The following MBP variants were observed in gnomAD, a reference collection of about 807,000 sequenced individuals.
The protein encoded by MBP is Golli-MBP.
Under a neutral mutation model 35.8 loss-of-function variants are expected in MBP, and 16 were observed. That is an observed-to-expected ratio of 0.45 (90% CI 0.30 to 0.68). MBP has a LOEUF of 0.68. Ranked by LOEUF, MBP falls within the 30% of genes least tolerant of loss-of-function variation. The probability of loss-of-function intolerance (pLI) is 0.08; values close to 1 mark genes in which losing one functional copy is unlikely to be tolerated. For synonymous variants in MBP, 143 were observed against 159.6 expected, an observed-to-expected ratio of 0.90 and a Z score of 0.78; for missense variants, 380 against 404.7, an observed-to-expected ratio of 0.94 and a Z score of 0.52.
rs1353417714 is a variant in MBP at position 77,016,946 on chromosome 18, G to C, written c.462C>G (p.Thr154=). The change falls in exon 4 of 9, where the codon ACC becomes ACG. Residue 154 remains threonine (T), a synonymous_variant. Transcript: ENST00000355994. ...HGSKYLATAS[T]MDHARHGFLP... ...GGAAGCCATGCCTGGCATGGTCCAT[G>C]GTACTTGCTGTGGCCAGGTACTTGG... 1 of 1,614,176 alleles carries C rather than the reference G, an allele frequency of 6.2e-7. No individual in the cohort carries two copies. The highest frequency in any genetic ancestry group is 1.1e-5 in the South Asian group (1 of 91,084).
intron 3 of MBP, among the ~76,000 whole-genome samples, chr18:77,062,973 A>G (rs1974043051): frequency 6.6e-6 from 1 of 152,202 alleles, no homozygotes; most frequent in African/African-American, 2.4e-5. Flanking sequence ...AACGGCTGCC[A>G]AGAACCTAGA....
Position 76,988,700 on chromosome 18 carries a change from GA to G in MBP, c.718-174del, listed in dbSNP as rs964371927. 8 of 1,355,116 alleles carry G rather than the reference GA, an allele frequency of 5.9e-6. No homozygotes were observed. Among genetic ancestry groups the G allele is most frequent in the African/African-American group, 2.9e-5 (2 of 68,538 alleles). The allele number at this position is 1,355,116 out of a possible 1,614,324, so 83.9% of individuals were successfully genotyped here. A position where few individuals can be genotyped will look rare whatever the true frequency, so the allele number is the denominator to read the frequency against. ...GGCCACAGCGGCTGTGCAGGTGCGGGAGGGACAGGAGGGGTGCATGGATCTG... is the reference window on the plus strand; with the variant it reads ...GGCCACAGCGGCTGTGCAGGTGCGGGGGGACAGGAGGGGTGCATGGATCTG... On this transcript the variant is annotated intron_variant, in intron 6 of 8. Transcript: ENST00000355994. This position sits in a 1 kb window ranked among gnomAD's most constrained non-coding sequence, Gnocchi z 5.2.
chr18:77,037,723 G>T (rs2144600385), intron 3 of MBP, among the ~76,000 whole-genome samples: 1 of 152,288 alleles, frequency 6.6e-6, no homozygotes. Context: ...AGCGTGCTCA[G>T]CCTCTCTGAT....
At chr18:77,073,745 G>T (rs893870450) in intron 2 of MBP, among the ~76,000 whole-genome samples, 5 of 152,154 alleles carry the variant, frequency 3.3e-5, no homozygotes, top group Non-Finnish European at 7.3e-5. Context: ...GCAGACCTGT[G>T]GAAGGTTATC....
intron 2 of MBP, chr18:77,067,883 C>T: frequency 2.0e-6 from 1 of 501,348 alleles, no homozygotes; most frequent in South Asian, 1.5e-5. Context: ...CTGATTCAGA[C>T]CTAGTGTGAC....
chr18:77,036,384 C>T lies in MBP; in HGVS notation c.140-19116G>A, dbSNP rs1373301401. ...GTCACATTTTGGAGACAGAACTGAGCAAGTGCTGCTCACGTTTCAGAGGAC... is the reference window on the plus strand; with the variant it reads ...GTCACATTTTGGAGACAGAACTGAGTAAGTGCTGCTCACGTTTCAGAGGAC... On this transcript the variant is annotated intron_variant, in intron 3 of 8. Coordinates refer to ENST00000355994, the MANE Select transcript of MBP (RefSeq NM_001025101.2). Among the ~76,000 whole-genome samples, 2 of 142,196 alleles carry T rather than the reference C, an allele frequency of 1.4e-5. 1 individual carries two copies. The highest frequency in any genetic ancestry group is 5.7e-5 in the African/African-American group (2 of 34,924). 93.3% of individuals were successfully genotyped at this position (142,196 alleles called of 152,430 possible).
chr18:77,063,530 C>G (rs150368958), intron 3 of MBP, among the ~76,000 whole-genome samples: 1 of 152,134 alleles, frequency 6.6e-6, no homozygotes, highest in African/African-American at 2.4e-5. Context: ...GGCACACTCA[C>G]GGGCAGAAAG....
chr18:77,017,827 A>C (rs2123472233), intron 3 of MBP: 1 of 152,374 alleles, frequency 6.6e-6, no homozygotes, highest in East Asian at 1.9e-4. Flanking sequence ...AGAACTGCTT[A>C]TTCAGGACAT....
chr18:77,001,952 TCTAA>T (rs1207031023), intron 4 of MBP, among the ~76,000 whole-genome samples: 39 of 152,370 alleles, frequency 2.6e-4, no homozygotes, highest in African/African-American at 9.1e-4. Context: ...TGGAACATCT[TCTAA>T]CTATCATTAG....
At chr18:77,087,181 C>G (rs75285146) in intron 2 of MBP, among the ~76,000 whole-genome samples, 14,189 of 152,332 alleles carry the variant, frequency 0.093, 725 homozygotes, top group East Asian at 0.14. Context: ...CCTGACCCAT[C>G]CAGGAGGCGA....
chr18:77,031,780 C>T (rs1289831479), intron 3 of MBP, among the ~76,000 whole-genome samples: 2 of 152,246 alleles, frequency 1.3e-5, no homozygotes, highest in Non-Finnish European at 2.9e-5. Context: ...TGGTCCGTGC[C>T]TCTCCATTTG....
At chr18:77,088,632 GT>G (rs541431425) in intron 2 of MBP, among the ~76,000 whole-genome samples, 249 of 147,232 alleles carry the variant, frequency 1.7e-3, no homozygotes, top group Non-Finnish European at 2.4e-3. Context: ...TTATTAAACA[GT>G]TTTTTTGTGC....
chr18:77,011,836 C>T (rs1971373073), intron 4 of MBP, among the ~76,000 whole-genome samples: 2 of 152,232 alleles, frequency 1.3e-5, no homozygotes, highest in African/African-American at 4.8e-5. Flanking sequence ...AACATTGAAT[C>T]AGGGTTTGAT....
At chr18:77,067,278 A>C (rs1032963978) in intron 2 of MBP, among the ~76,000 whole-genome samples, 2 of 152,148 alleles carry the variant, frequency 1.3e-5, no homozygotes, top group African/African-American at 4.8e-5. Flanking sequence ...TCATCTGGGC[A>C]CCTTCAGACA....
At chr18:77,127,133 C>T (rs1977076389) in intron 1 of MBP, among the ~76,000 whole-genome samples, 1 of 152,180 alleles carries the variant, frequency 6.6e-6, no homozygotes, top group Non-Finnish European at 1.5e-5. Flanking sequence ...TTAAAGTTGA[C>T]TATGCAACTA....
rs552453004 is a variant in MBP, at chr18:77,004,335, T to C, written c.576+12497A>G. The C allele has an allele frequency of 3.9e-5, 6 of 152,302 alleles. No individual in the cohort carries two copies. In the East Asian group the frequency reaches 1.2e-3, roughly 29 times the overall value. 9.4% of individuals were successfully genotyped at this position (152,302 alleles called of 1,614,324 possible). On this transcript the variant is annotated intron_variant, in intron 4 of 8. Transcript: ENST00000355994. Reference sequence around the variant, plus strand: ...ATTCGATTTCTGGTCAAACAGCTCCTACCATGCCTCAGGAGAGTATGTTAG... The same window carrying C: ...ATTCGATTTCTGGTCAAACAGCTCCCACCATGCCTCAGGAGAGTATGTTAG...
intron 7 of MBP, chr18:76,986,158 C>T (rs934227968): frequency 2.0e-6 from 2 of 985,458 alleles, no homozygotes; most frequent in African/African-American, 3.5e-5. Context: ...GTTAGCTTTT[C>T]AGGGATCTTG....
intron 4 of MBP, among the ~76,000 whole-genome samples, chr18:76,997,706 G>T (rs529168610): frequency 6.7e-6 from 1 of 149,602 alleles, no homozygotes; most frequent in Admixed American, 6.6e-5. Flanking sequence ...TTTTTGAGAC[G>T]GAGTCTCACT....
rs945325319 is a variant in MBP at position 76,979,779 on chromosome 18, G to A, written c.*648C>T. On this transcript the variant is annotated 3_prime_UTR_variant, in exon 9 of 9. Transcript: ENST00000355994. ...CCACACGCGAATTCAGCTAATTGGGGTGTGTGGGCAGCCACGGCCTGGGGA... is the reference window on the plus strand; with the variant it reads ...CCACACGCGAATTCAGCTAATTGGGATGTGTGGGCAGCCACGGCCTGGGGA... The A allele has an allele frequency of 1.7e-6, 1 of 594,202 alleles. No homozygotes were observed. The highest frequency in any genetic ancestry group is 1.9e-5 in the African/African-American group (1 of 53,468). 36.8% of individuals were successfully genotyped at this position (594,202 alleles called of 1,614,324 possible).
Sources: gnomAD v4.1 joint callset for allele counts (sites outside exome capture counted in the v4.1 genomes callset) on GRCh38, gnomAD v4.1.1 for gene constraint, Gnocchi (gnomAD v3.1) non-coding constraint, MANE v1.5 for transcripts, NCBI Gene and HGNC (gene_info 2026-07-23, HGNC 2026-07-21) for gene names.